ST6GAL2: variants seen among roughly 807,000 people sequenced by gnomAD.
ST6GAL2 encodes beta-galactoside alpha-2,6-sialyltransferase 2.
Under a neutral mutation model 37.5 loss-of-function variants are expected in ST6GAL2, and 24 were observed. That is an observed-to-expected ratio of 0.64 (90% CI 0.46 to 0.90). The LOEUF (loss-of-function observed/expected upper bound fraction) is 0.90. ST6GAL2 is among the 40% of genes least tolerant of loss of function. The probability of loss-of-function intolerance (pLI) is 0.00; values close to 1 mark genes in which losing one functional copy is unlikely to be tolerated. For missense variants in ST6GAL2, 715 were observed against 712.7 expected (o/e 1.00, Z -0.04); for synonymous variants, 306 against 295.1 (o/e 1.04, Z -0.38).
At chr2:106,875,214 T>G (rs1048289748) in intron 1 of ST6GAL2, among the ~76,000 whole-genome samples, 1 of 150,562 alleles carries the variant, frequency 6.6e-6, no homozygotes, top group Non-Finnish European at 1.5e-5. Context: ...ACCCATTTGG[T>G]CATCCAGCCT....
In ST6GAL2 at chr2:106,803,139, C is replaced by T. The variant is rs1330865996; in HGVS notation, c.*3539G>A. On this transcript the variant is annotated 3_prime_UTR_variant, in exon 6 of 6. Transcript: ENST00000409382. The stretch of plus-strand genomic sequence containing the variant: ...AGAGTGACCCAGCTACTTTGATTTC[C>T]TAATTTTGAAAACGCTAATGATTAT... 1.3e-5 allele frequency: 2 copies of T among 152,128 alleles called. No homozygotes were observed. Among genetic ancestry groups the T allele is most frequent in the East Asian group, 3.9e-4 (2 of 5,186 alleles). 9.4% of individuals were successfully genotyped at this position (152,128 alleles called of 1,614,324 possible). A position where few individuals can be genotyped will look rare whatever the true frequency, so the allele number is the denominator to read the frequency against.
intron 1 of ST6GAL2, among the ~76,000 whole-genome samples, chr2:106,859,568 A>T (rs1677717676): frequency 6.6e-6 from 1 of 152,110 alleles, no homozygotes; most frequent in Admixed American, 6.5e-5. Flanking sequence ...CAGGTCTAAA[A>T]CTCTGGTGTT....
Position 106,843,261 on chromosome 2 carries a change from G to C in ST6GAL2, c.717C>G (p.Arg239=). 1.2e-6 allele frequency: 2 copies of C among 1,600,786 alleles called. No individual in the cohort carries two copies. The highest frequency in any genetic ancestry group is 1.7e-6 in the Non-Finnish European group (2 of 1,173,486). The stretch of plus-strand genomic sequence containing the variant: ...TGCTCAGCCCGGCCTCCCGCTTCCC[G>C]CGGAAGCGCACCCCGTGCTTGTTGG... The part of the protein sequence containing the change: ...LTANKHGVRF[R]GKREAGLSRA... Residue 239 remains arginine (R), a synonymous_variant, in exon 2 of 6, where the codon CGC becomes CGG. Transcript: ENST00000409382.
chr2:106,843,494 C>T lies in ST6GAL2; in HGVS notation c.484G>A (p.Ala162Thr). The T allele has an allele frequency of 2.5e-6, 4 of 1,614,060 alleles. No individual in the cohort carries two copies. Among genetic ancestry groups the T allele is most frequent in the African/African-American group, 1.3e-5 (1 of 75,060 alleles). The change falls in exon 2 of 6, where the codon GCT becomes ACT. Residue 162 changes from alanine to threonine, a missense_variant. Ala to Thr is a moderately conservative substitution (Grantham distance 58). Transcript: ENST00000409382. ...SPGEPGPREG[A>T]FPAAQVQRRR... is the part of the protein sequence containing the mutation. Reference sequence around the variant, plus strand: ...CTCTGGACCTGTGCAGCCGGAAAAGCCCCCTCCCGTGGGCCTGGCTCCCCG... The same window carrying T: ...CTCTGGACCTGTGCAGCCGGAAAAGTCCCCTCCCGTGGGCCTGGCTCCCCG...
Position 106,843,679 on chromosome 2 carries a change from G to C in ST6GAL2, c.299C>G (p.Ala100Gly). 5 of 1,613,316 alleles carry C rather than the reference G, an allele frequency of 3.1e-6. No individual in the cohort carries two copies. Among genetic ancestry groups the C allele is most frequent in the Non-Finnish European group, 4.2e-6 (5 of 1,180,022 alleles). ...HAGPGDLQKW[A>G]QSQDGFEHKE... ...ATGTTCAAACCCATCTTGGGACTGGGCCCATTTCTGCAGGTCTCCAGGCCC... is the reference window on the plus strand; with the variant it reads ...ATGTTCAAACCCATCTTGGGACTGGCCCCATTTCTGCAGGTCTCCAGGCCC... Residue 100 changes from alanine (A) to glycine (G), a missense_variant, in exon 2 of 6, where the codon GCC becomes GGC. This residue lies in a region of ST6GAL2 where 512 missense variants were observed against 488.8 expected (regional missense o/e 1.05). Coordinates refer to ENST00000409382, the MANE Select transcript of ST6GAL2 (RefSeq NM_001142351.2).
At chr2:106,839,841 C>T (rs975867879) in intron 2 of ST6GAL2, among the ~76,000 whole-genome samples, 1 of 152,168 alleles carries the variant, frequency 6.6e-6, no homozygotes, top group Admixed American at 6.5e-5. Context: ...TGGATGAAAA[C>T]AGATCATCTT....
chr2:106,811,845 G>A (rs1469761610), intron 5 of ST6GAL2, among the ~76,000 whole-genome samples: 2 of 152,108 alleles, frequency 1.3e-5, no homozygotes, highest in East Asian at 3.9e-4. Context: ...TTTTACTCAC[G>A]ATGATGATTT....
At chr2:106,815,307 A>C (rs759636876) in intron 5 of ST6GAL2, among the ~76,000 whole-genome samples, 1 of 152,236 alleles carries the variant, frequency 6.6e-6, no homozygotes, top group Non-Finnish European at 1.5e-5. Flanking sequence ...GAAATAGTTT[A>C]AAGAAAAGTC....
At chr2:106,829,571 A>G (rs1676333122) in intron 5 of ST6GAL2, among the ~76,000 whole-genome samples, 1 of 152,198 alleles carries the variant, frequency 6.6e-6, no homozygotes, top group African/African-American at 2.4e-5. Context: ...TGGATGCCAT[A>G]TAGAACAGAA....
chr2:106,868,798 A>G (rs1325243140), intron 1 of ST6GAL2, among the ~76,000 whole-genome samples: 5 of 151,634 alleles, frequency 3.3e-5, no homozygotes, highest in Non-Finnish European at 7.4e-5. Flanking sequence ...AATGTCTGAA[A>G]TTGTGCCCCC....
chr2:106,829,969 G>T, intron 5 of ST6GAL2, 97 bp downstream of exon 5: 1 of 1,115,110 alleles, frequency 9.0e-7, no homozygotes, highest in South Asian at 1.5e-5. Context: ...TTCAGATAAG[G>T]TATTTTCAAC....
intron 1 of ST6GAL2, among the ~76,000 whole-genome samples, chr2:106,849,420 A>G (rs1677269318): frequency 6.6e-6 from 1 of 152,194 alleles, no homozygotes; most frequent in Non-Finnish European, 1.5e-5. Context: ...CTTTGTGGCG[A>G]TAAGATGCCA....
In ST6GAL2 at chr2:106,843,102, G is replaced by C. The variant is rs1402671903; in HGVS notation, c.876C>G (p.Gly292=). 11 of 1,540,468 alleles carry C rather than the reference G, an allele frequency of 7.1e-6. No individual in the cohort carries two copies. In the South Asian group the frequency reaches 1.4e-4, roughly 19 times the overall value. The change falls in exon 2 of 6, where the codon GGC becomes GGG. Residue 292 remains glycine, a synonymous_variant. Transcript: ENST00000409382. ...ACATGACGACAGCGCAGCTGCGCAG[G>C]CCGCGGGGGTGCAGCTGGCTCAGGG... The part of the protein sequence containing the change: ...AVPLSQLHPR[G]LRSCAVVMSA...
intron 5 of ST6GAL2, among the ~76,000 whole-genome samples, chr2:106,808,633 C>T (rs77094694): frequency 0.02 from 2,974 of 152,232 alleles, 50 homozygotes; most frequent in Admixed American, 0.045. Flanking sequence ...CAGTACCCCC[C>T]AGATGCTCGA....
chr2:106,842,775 G>C (rs1676945999), intron 2 of ST6GAL2, among the ~76,000 whole-genome samples: 1 of 152,118 alleles, frequency 6.6e-6, no homozygotes, highest in Non-Finnish European at 1.5e-5. Context: ...CTATGGGGAG[G>C]ACCCTTCCTG....
intron 1 of ST6GAL2, among the ~76,000 whole-genome samples, chr2:106,867,957 G>T (rs1234579258): frequency 6.6e-6 from 1 of 152,102 alleles, no homozygotes; most frequent in East Asian, 1.9e-4. Flanking sequence ...TCATCTCAAA[G>T]AATAAGGTAT....
intron 4 of ST6GAL2, among the ~76,000 whole-genome samples, chr2:106,830,499 A>G (rs1169090900): frequency 1.3e-5 from 2 of 152,228 alleles, no homozygotes; most frequent in Non-Finnish European, 2.9e-5. Context: ...ACGGATCAGC[A>G]TACTTCTTCC....
At chr2:106,882,989 C>A (rs1678814861) in intron 1 of ST6GAL2, among the ~76,000 whole-genome samples, 1 of 152,208 alleles carries the variant, frequency 6.6e-6, no homozygotes. Context: ...TAATCAGGAA[C>A]CTGCAGGTGG....
chr2:106,886,644 T>G (rs987781641), upstream of ST6GAL2: 2 of 151,708 alleles, frequency 1.3e-5, no homozygotes, highest in African/African-American at 4.8e-5. Flanking sequence ...GCACCGAGGC[T>G]GCGCCGCGCC....
Sources: gnomAD v4.1 joint callset for allele counts (sites outside exome capture counted in the v4.1 genomes callset) on GRCh38, gnomAD v4.1.1 for gene constraint, gnomAD v4.1.1 regional missense constraint, MANE v1.5 for transcripts, NCBI Gene and HGNC (gene_info 2026-07-23, HGNC 2026-07-21) for gene names.